Variants in NCKAP5 observed in about 807,000 individuals in gnomAD.
NCKAP5 encodes the protein NCK associated protein 5.
Under a neutral mutation model 167.0 loss-of-function variants are expected in NCKAP5, and 92 were observed. The observed-to-expected ratio is 0.55, with a 90% CI of 0.47 to 0.66. The LOEUF (loss-of-function observed/expected upper bound fraction) is 0.66. Ranked by LOEUF, NCKAP5 falls within the 30% of genes least tolerant of loss-of-function variation. The pLI, the probability that NCKAP5 is intolerant of heterozygous loss-of-function variation, is 0.00. For synonymous variants in NCKAP5, 891 were observed against 877.4 expected (o/e 1.02, Z -0.27); for missense variants, 2,378 against 2,315.0 (o/e 1.03, Z -0.56).
At chr2:133,023,757 C>T (rs905722317) in intron 6 of NCKAP5, among the ~76,000 whole-genome samples, 5 of 152,150 alleles carry the variant, frequency 3.3e-5, no homozygotes, top group Non-Finnish European at 4.4e-5. Context: ...GCTGCATCCA[C>T]GCTGCTGCAG....
chr2:132,862,867 G>A (rs1296689547), intron 10 of NCKAP5, among the ~76,000 whole-genome samples: 2 of 151,614 alleles, frequency 1.3e-5, no homozygotes, highest in Non-Finnish European at 2.9e-5. Flanking sequence ...TGTTGTCCAG[G>A]CTGGAGTGCA....
chr2:133,429,295 T>TG (rs1047232787), intron 3 of NCKAP5, among the ~76,000 whole-genome samples: 145 of 152,008 alleles, frequency 9.5e-4, no homozygotes, highest in African/African-American at 3.5e-3. Context: ...TGGAGCTACT[T>TG]TTTTTTAATT....
At position 133,307,031 on chromosome 2, in the gene NCKAP5, A is replaced by G. The variant is rs1680828551; in HGVS notation, c.70-3921T>C. Among the ~76,000 whole-genome samples the G allele has an allele frequency of 2.6e-5, 4 of 152,310 alleles. No individual in the cohort carries two copies. The South Asian group carries it at 8.3e-4, about 32-fold the overall frequency. ...CTAACACATATCTATGAAAAATATC[A>G]ATTTCCCAAGCCTTGCTTTGTTCAG... On this transcript the variant is annotated intron_variant, in intron 3 of 19. Transcript: ENST00000409261.
intron 8 of NCKAP5, among the ~76,000 whole-genome samples, chr2:132,933,933 G>C (rs112884613): frequency 6.6e-6 from 1 of 152,268 alleles, no homozygotes; most frequent in African/African-American, 2.4e-5. Flanking sequence ...ATAAATTGTC[G>C]AGAGCATCAG....
the NCKAP5 span, among the ~76,000 whole-genome samples, chr2:133,663,269 T>C: frequency 1.8e-5 from 2 of 108,672 alleles, no homozygotes; most frequent in Non-Finnish European, 3.4e-5. Flanking sequence ...CGAGACTCCG[T>C]CTCAAAAAAA....
intron 4 of NCKAP5, among the ~76,000 whole-genome samples, chr2:133,218,426 C>T (rs1375954220): frequency 6.6e-6 from 1 of 152,120 alleles, no homozygotes; most frequent in East Asian, 1.9e-4. Context: ...CTAGAAAACT[C>T]CACTCATGGA....
At chr2:133,448,185 T>G (rs1453165371) in intron 3 of NCKAP5, among the ~76,000 whole-genome samples, 6 of 152,066 alleles carry the variant, frequency 3.9e-5, no homozygotes, top group Non-Finnish European at 7.4e-5. Context: ...AGTATAAATC[T>G]TCTGTTGGAT....
rs191594860 is a variant in NCKAP5 at position 133,537,769 on chromosome 2, G to T, written c.-61-20182C>A. On this transcript the variant is annotated intron_variant, in intron 2 of 19. Coordinates refer to ENST00000409261, the MANE Select transcript of NCKAP5 (RefSeq NM_207363.3). ...ATTAAGTCATGAAAAGACTCATAGG[G>T]TTGTATACAGTATATCTGAATTAAA... Among the ~76,000 whole-genome samples, 370 of 152,126 alleles carry T rather than the reference G, an allele frequency of 2.4e-3. 1 individual carries two copies. Among genetic ancestry groups the T allele is most frequent in the Non-Finnish European group, 4.3e-3 (293 of 67,962 alleles).
chr2:133,531,140 A>G (rs536604960), intron 2 of NCKAP5, among the ~76,000 whole-genome samples: 1 of 152,218 alleles, frequency 6.6e-6, no homozygotes, highest in Non-Finnish European at 1.5e-5. Context: ...AAGAAAAAAA[A>G]GGAAGAAGGG....
chr2:133,450,116 AAC>A (rs1553642876), intron 3 of NCKAP5, among the ~76,000 whole-genome samples: 1 of 152,092 alleles, frequency 6.6e-6, no homozygotes, highest in Non-Finnish European at 1.5e-5. Context: ...TCCTCTTCTC[AAC>A]ACACACGCAC....
chr2:132,682,616 C>T (rs1332031657), intron 19 of NCKAP5, among the ~76,000 whole-genome samples: 2 of 152,196 alleles, frequency 1.3e-5, no homozygotes, highest in Admixed American at 6.5e-5. Context: ...TCTACCCAGT[C>T]TGCTCTTTGG....
chr2:133,543,059 A>G (rs1686358180), intron 2 of NCKAP5, among the ~76,000 whole-genome samples: 1 of 152,110 alleles, frequency 6.6e-6, no homozygotes, highest in Admixed American at 6.6e-5. Context: ...TGTGACCTCC[A>G]ATGTTGGAGG....
At chr2:133,109,272 G>A (rs1352905418) in intron 6 of NCKAP5, among the ~76,000 whole-genome samples, 2 of 152,206 alleles carry the variant, frequency 1.3e-5, no homozygotes, top group African/African-American at 4.8e-5. Context: ...ATCAGGTGAT[G>A]CGTGCTGCAG....
intron 5 of NCKAP5, among the ~76,000 whole-genome samples, chr2:133,172,402 T>C (rs2084284565): frequency 6.6e-6 from 1 of 152,230 alleles, no homozygotes. Context: ...GACCCCAATG[T>C]TTCTGCATCA....
In NCKAP5 at chr2:133,357,620, T is replaced by C. The variant is rs1184954541; in HGVS notation, c.70-54510A>G. Among the ~76,000 whole-genome samples the C allele has an allele frequency of 3.9e-5, 6 of 152,216 alleles. No individual in the cohort carries two copies. The East Asian group carries it at 9.6e-4, about 24-fold the overall frequency. On this transcript the variant is annotated intron_variant, in intron 3 of 19. Transcript: ENST00000409261. ...GCATGAAGCTTGTACCTACCTCTGA[T>C]ATTTGGGACAAAAGAGATGGGTCAC...
intron 8 of NCKAP5, chr2:132,931,643 C>T (rs758160464): frequency 9.9e-5 from 15 of 152,078 alleles, no homozygotes; most frequent in Non-Finnish European, 2.2e-4. Flanking sequence ...TTAAAAGATC[C>T]TTGGAAAAAA....
chr2:133,495,547 C>T lies in NCKAP5; in HGVS notation c.69+21911G>A, dbSNP rs148295257. On this transcript the variant is annotated intron_variant, in intron 3 of 19. Transcript: ENST00000409261. ...CTCATCCAAGATTTGTGAAGTCCAG[C>T]GACAGAGCAGCTCCTTCAGTTACTG... 6.7e-3 allele frequency among the ~76,000 whole-genome samples: 1,027 copies of T among 152,282 alleles called. 8 individuals carry two copies. Among genetic ancestry groups the T allele is most frequent in the Non-Finnish European group, 0.011 (729 of 68,030 alleles).
In NCKAP5 at chr2:133,115,931, T is replaced by C. The variant is rs2082067863; in HGVS notation, c.341+14047A>G. ...TTACATGAAAACAAGATTGAAATAT[T>C]GAAAATGAGGAACTCTAGATAAATA... On this transcript the variant is annotated intron_variant, in intron 6 of 19. Transcript: ENST00000409261. 2.0e-5 allele frequency among the ~76,000 whole-genome samples: 3 copies of C among 150,968 alleles called. No individual in the cohort carries two copies. In the South Asian group the frequency reaches 6.3e-4, roughly 31 times the overall value.
chr2:133,631,946 T>C, the NCKAP5 span, among the ~76,000 whole-genome samples: 7 of 152,374 alleles, frequency 4.6e-5, no homozygotes, highest in South Asian at 1.5e-3. Context: ...TAGAAGCAAC[T>C]GTAAGTTTCT....
Sources: allele counts gnomAD v4.1 joint callset (sites outside exome capture counted in the v4.1 genomes callset), GRCh38; gene constraint gnomAD v4.1.1; transcripts MANE v1.5; gene names NCBI Gene and HGNC (gene_info 2026-07-23, HGNC 2026-07-21).